Variants in KCTD8 observed in about 807,000 individuals in gnomAD.
The protein encoded by KCTD8 is BTB/POZ domain-containing protein KCTD8.
KCTD8 carries 27 observed loss-of-function variants against 31.5 expected under a neutral mutation model. That is an observed-to-expected ratio of 0.86 (90% CI 0.63 to 1.18). The LOEUF is 1.18. Ranked by LOEUF, KCTD8 falls within the 50% of genes most tolerant of loss-of-function variation. The pLI is 0.00. For synonymous variants in KCTD8, 290 were observed against 280.0 expected (o/e 1.04, Z -0.36); for missense variants, 658 against 647.7 (o/e 1.02, Z -0.17).
chr4:44,228,316 T>C (rs920061278), intron 1 of KCTD8, among the ~76,000 whole-genome samples: 2 of 152,190 alleles, frequency 1.3e-5, no homozygotes, highest in African/African-American at 4.8e-5. Flanking sequence ...GTGCCTGTCC[T>C]AATCTCCTCT....
intron 1 of KCTD8, among the ~76,000 whole-genome samples, chr4:44,290,447 A>T (rs937567864): frequency 3.9e-5 from 6 of 152,100 alleles, no homozygotes; most frequent in Non-Finnish European, 5.9e-5. Context: ...AAACTCCACA[A>T]TTGAGCAATT....
At chr4:44,236,602 C>T (rs1395194931) in intron 1 of KCTD8, among the ~76,000 whole-genome samples, 1 of 151,994 alleles carries the variant, frequency 6.6e-6, no homozygotes, top group Non-Finnish European at 1.5e-5. Context: ...AGTGGAAACT[C>T]TTCTCCACTT....
At chr4:44,337,671 C>T (rs1718785374) in intron 1 of KCTD8, among the ~76,000 whole-genome samples, 1 of 91,122 alleles carries the variant, frequency 1.1e-5, no homozygotes, top group African/African-American at 4.6e-5. Context: ...AAGACTCGAT[C>T]TCAAAAAATA....
chr4:44,355,002 A>G (rs527779621), intron 1 of KCTD8, among the ~76,000 whole-genome samples: 1 of 152,326 alleles, frequency 6.6e-6, no homozygotes, highest in South Asian at 2.1e-4. Flanking sequence ...GGAAGTAAAT[A>G]ATAAGATAGC....
chr4:44,338,893 C>G (rs1230686024), intron 1 of KCTD8, among the ~76,000 whole-genome samples: 1 of 152,018 alleles, frequency 6.6e-6, no homozygotes, highest in African/African-American at 2.4e-5. Flanking sequence ...CTTCATAAGT[C>G]CCTTATAGAC....
chr4:44,421,728 C>T (rs140562761), intron 1 of KCTD8, among the ~76,000 whole-genome samples: 2 of 151,998 alleles, frequency 1.3e-5, no homozygotes, highest in South Asian at 2.1e-4. Flanking sequence ...TACCTCCTAC[C>T]CACCTTTTAT....
chr4:44,433,236 C>T (rs915011099), intron 1 of KCTD8, among the ~76,000 whole-genome samples: 33 of 151,856 alleles, frequency 2.2e-4, no homozygotes, highest in African/African-American at 8.0e-4. Flanking sequence ...GGAGTCATTA[C>T]CTATATCTTT....
At chr4:44,364,937 G>A (rs903556648) in intron 1 of KCTD8, among the ~76,000 whole-genome samples, 1 of 151,822 alleles carries the variant, frequency 6.6e-6, no homozygotes, top group Non-Finnish European at 1.5e-5. Flanking sequence ...TTAACAAGAG[G>A]AGCACAGGAT....
At chr4:44,418,077 C>A (rs1018124122) in intron 1 of KCTD8, among the ~76,000 whole-genome samples, 4 of 152,084 alleles carry the variant, frequency 2.6e-5, no homozygotes, top group Non-Finnish European at 4.4e-5. Flanking sequence ...TGCTATAATA[C>A]AGATCCTTTC....
At chr4:44,335,862 A>T (rs564341865) in intron 1 of KCTD8, among the ~76,000 whole-genome samples, 14 of 152,254 alleles carry the variant, frequency 9.2e-5, no homozygotes, top group African/African-American at 3.1e-4. Flanking sequence ...AATAGAAAAA[A>T]TATAAAGGCC....
chr4:44,321,725 C>G (rs753722599), intron 1 of KCTD8, among the ~76,000 whole-genome samples: 1 of 152,014 alleles, frequency 6.6e-6, no homozygotes, highest in East Asian at 1.9e-4. Flanking sequence ...TATTGTTGTA[C>G]CCATTAACAA....
At chr4:44,209,542 C>A (rs1466180062) in intron 1 of KCTD8, among the ~76,000 whole-genome samples, 1 of 151,494 alleles carries the variant, frequency 6.6e-6, no homozygotes, top group Non-Finnish European at 1.5e-5. Context: ...CCCACACACA[C>A]CCCCACCCAC....
intron 1 of KCTD8, among the ~76,000 whole-genome samples, chr4:44,267,144 G>A (rs1641079854): frequency 6.6e-6 from 1 of 152,114 alleles, no homozygotes; most frequent in Admixed American, 6.5e-5. Flanking sequence ...ATACTTGGAA[G>A]TAAAGCTCTC....
At chr4:44,317,624 A>G (rs1274244525) in intron 1 of KCTD8, among the ~76,000 whole-genome samples, 1 of 152,108 alleles carries the variant, frequency 6.6e-6, no homozygotes, top group Non-Finnish European at 1.5e-5. Flanking sequence ...TGTTTAACCC[A>G]CTTATGCCTA....
chr4:44,285,596 T>C (rs959238770), intron 1 of KCTD8, among the ~76,000 whole-genome samples: 1 of 152,180 alleles, frequency 6.6e-6, no homozygotes, highest in African/African-American at 2.4e-5. Context: ...ATTCTGCACA[T>C]GTAACCCAGA....
chr4:44,349,330 T>G (rs2109423708), intron 1 of KCTD8, among the ~76,000 whole-genome samples: 1 of 152,118 alleles, frequency 6.6e-6, no homozygotes, highest in East Asian at 1.9e-4. Flanking sequence ...GGAGTATGGG[T>G]GAGGAAAACA....
intron 1 of KCTD8, among the ~76,000 whole-genome samples, chr4:44,394,395 G>A (rs1448828788): frequency 6.6e-6 from 1 of 151,794 alleles, no homozygotes; most frequent in Non-Finnish European, 1.5e-5. Context: ...ACCATAGTAT[G>A]TCTCAAAGAA....
chr4:44,432,889 C>T (rs55678960), intron 1 of KCTD8, among the ~76,000 whole-genome samples: 18,467 of 151,596 alleles, frequency 0.12, 2,461 homozygotes, highest in African/African-American at 0.32. Flanking sequence ...TTGTTAAGTA[C>T]ACATTCTTTG....
chr4:44,391,676 G>A (rs1427735268), intron 1 of KCTD8, among the ~76,000 whole-genome samples: 1 of 151,614 alleles, frequency 6.6e-6, no homozygotes, highest in Non-Finnish European at 1.5e-5. Context: ...GTTAACAGTG[G>A]GCTATTTGTA....
Sources: gnomAD v4.1 joint callset for allele counts (sites outside exome capture counted in the v4.1 genomes callset) on GRCh38, gnomAD v4.1.1 for gene constraint, MANE v1.5 for transcripts, NCBI Gene and HGNC (gene_info 2026-07-23, HGNC 2026-07-21) for gene names.